CDH18: variants seen among roughly 807,000 people sequenced by gnomAD.
The protein encoded by CDH18 is cadherin-18.
CDH18 carries 31 observed loss-of-function variants against 67.9 expected under a neutral mutation model. The observed-to-expected ratio is 0.46, with a 90% confidence interval of 0.34 to 0.62. CDH18 has a LOEUF of 0.62. Ranked by LOEUF, CDH18 falls within the 20% of genes least tolerant of loss-of-function variation. CDH18 has a pLI of 0.01. For missense variants in CDH18, 890 were observed against 975.5 expected, an observed-to-expected ratio of 0.91 and a Z score of 1.17; for synonymous variants, 362 against 347.2, an observed-to-expected ratio of 1.04 and a Z score of -0.48.
At chr5:19,975,544 G>A (rs1353097121) in intron 2 of CDH18, among the ~76,000 whole-genome samples, 1 of 152,216 alleles carries the variant, frequency 6.6e-6, no homozygotes, top group Non-Finnish European at 1.5e-5. Flanking sequence ...AATTAAACAC[G>A]ATTTGATTTG....
At chr5:19,868,307 T>C (rs1785827485) in intron 2 of CDH18, among the ~76,000 whole-genome samples, 1 of 152,158 alleles carries the variant, frequency 6.6e-6, no homozygotes, top group South Asian at 2.1e-4. Context: ...CTCTTCAGCT[T>C]TATTTCAGAT....
intron 1 of CDH18, among the ~76,000 whole-genome samples, chr5:20,469,938 T>C (rs1427910409): frequency 6.6e-6 from 1 of 152,150 alleles, no homozygotes; most frequent in Non-Finnish European, 1.5e-5. Flanking sequence ...CCTGAACTAC[T>C]GTGGACTTGT....
At chr5:19,968,169 C>A (rs976738377) in intron 2 of CDH18, among the ~76,000 whole-genome samples, 1 of 151,986 alleles carries the variant, frequency 6.6e-6, no homozygotes, top group Non-Finnish European at 1.5e-5. Context: ...TAACTACAAA[C>A]CACTGCTCAA....
intron 2 of CDH18, among the ~76,000 whole-genome samples, chr5:20,015,175 G>C (rs949451485): frequency 1.8e-4 from 27 of 152,130 alleles, no homozygotes; most frequent in African/African-American, 6.0e-4. Context: ...TTCAGAAACA[G>C]ACACATGGCC....
chr5:20,121,965 G>A (rs1385387279), intron 2 of CDH18, among the ~76,000 whole-genome samples: 1 of 152,184 alleles, frequency 6.6e-6, no homozygotes, highest in Non-Finnish European at 1.5e-5. Flanking sequence ...CACACGGAAT[G>A]TGGGCTTCAT....
chr5:19,505,273 T>C (rs1322347105), intron 10 of CDH18, among the ~76,000 whole-genome samples: 1 of 152,102 alleles, frequency 6.6e-6, no homozygotes, highest in African/African-American at 2.4e-5. Flanking sequence ...ACAGGGACAA[T>C]TTGACTTCCT....
intron 1 of CDH18, among the ~76,000 whole-genome samples, chr5:20,543,301 T>A (rs1192624181): frequency 6.6e-6 from 1 of 152,070 alleles, no homozygotes; most frequent in African/African-American, 2.4e-5. Context: ...AAATTTTATA[T>A]ATTTTTCTAT....
intron 1 of CDH18, among the ~76,000 whole-genome samples, chr5:20,462,967 T>A (rs956395482): frequency 6.6e-6 from 1 of 152,212 alleles, no homozygotes; most frequent in Non-Finnish European, 1.5e-5. Flanking sequence ...TAAACTCACA[T>A]ACTCTGGAGC....
At chr5:19,516,629 T>A (rs190372126) in intron 10 of CDH18, among the ~76,000 whole-genome samples, 58 of 152,312 alleles carry the variant, frequency 3.8e-4, no homozygotes, top group East Asian at 9.6e-4. Context: ...TTCTAGTTTA[T>A]TTGCAAAGAG....
chr5:19,553,919 C>T (rs1368558485), intron 8 of CDH18, among the ~76,000 whole-genome samples: 1 of 151,968 alleles, frequency 6.6e-6, no homozygotes, highest in East Asian at 1.9e-4. Flanking sequence ...CAGGTGTGAG[C>T]CAAAACGCCT....
intron 1 of CDH18, among the ~76,000 whole-genome samples, chr5:20,316,791 A>G (rs1404344716): frequency 6.6e-6 from 1 of 152,034 alleles, no homozygotes; most frequent in Non-Finnish European, 1.5e-5. Context: ...GCATTTACAC[A>G]TAATTTTTCT....
At chr5:20,260,530 T>C (rs1744569495) in intron 1 of CDH18, among the ~76,000 whole-genome samples, 1 of 152,132 alleles carries the variant, frequency 6.6e-6, no homozygotes, top group African/African-American at 2.4e-5. Flanking sequence ...TGAGGAACCC[T>C]GAAAGGGGGT....
At chr5:20,455,246 G>A (rs1437087948) in intron 1 of CDH18, among the ~76,000 whole-genome samples, 1 of 152,030 alleles carries the variant, frequency 6.6e-6, no homozygotes, top group East Asian at 1.9e-4. Flanking sequence ...CACCCTGTTG[G>A]GAAGTGTCAT....
At chr5:19,908,059 G>A (rs1561539966) in intron 2 of CDH18, among the ~76,000 whole-genome samples, 6 of 151,846 alleles carry the variant, frequency 4.0e-5, no homozygotes, top group Non-Finnish European at 1.5e-5. Flanking sequence ...TAAAAGGCTA[G>A]TCTTCTATTT....
chr5:19,775,854 A>AG (rs1462111651), intron 3 of CDH18, among the ~76,000 whole-genome samples: 5 of 152,186 alleles, frequency 3.3e-5, no homozygotes, highest in Non-Finnish European at 1.5e-5. Flanking sequence ...GGCCATGGTA[A>AG]GGGAGAATGA....
rs561527780 is a variant in CDH18, at chr5:19,933,239, C to T, written c.-257+47821G>A. On this transcript the variant is annotated intron_variant, in intron 2 of 12. Coordinates refer to ENST00000382275, the MANE Select transcript of CDH18 (RefSeq NM_004934.5). Reference sequence around the variant, plus strand: ...TATAAGCTTGCTCTACCACATTTGCCCACCTACTTACACCTCCTCTAGTAT... The same window carrying T: ...TATAAGCTTGCTCTACCACATTTGCTCACCTACTTACACCTCCTCTAGTAT... Among the ~76,000 whole-genome samples the T allele has an allele frequency of 5.3e-5, 8 of 151,528 alleles. No homozygotes were observed. The South Asian group carries it at 1.7e-3, about 31-fold the overall frequency.
At chr5:19,902,766 C>A (rs1790081350) in intron 2 of CDH18, among the ~76,000 whole-genome samples, 1 of 152,182 alleles carries the variant, frequency 6.6e-6, no homozygotes, top group Non-Finnish European at 1.5e-5. Flanking sequence ...TGGCTGGATG[C>A]CCACTTGCCA....
chr5:19,677,686 A>G (rs955158123), intron 5 of CDH18, among the ~76,000 whole-genome samples: 3 of 151,942 alleles, frequency 2.0e-5, no homozygotes, highest in African/African-American at 7.2e-5. Context: ...TGCAATGACA[A>G]CCGTAAACTA....
intron 3 of CDH18, among the ~76,000 whole-genome samples, chr5:19,815,612 A>G (rs959849770): frequency 1.1e-4 from 16 of 151,930 alleles, no homozygotes; most frequent in Non-Finnish European, 2.1e-4. Context: ...ATATAGAATA[A>G]GGTCAGTGAT....
Sources: allele counts gnomAD v4.1 joint callset (sites outside exome capture counted in the v4.1 genomes callset), GRCh38; gene constraint gnomAD v4.1.1; transcripts MANE v1.5; gene names NCBI Gene and HGNC (gene_info 2026-07-23, HGNC 2026-07-21).